The following DAAM2 variants were observed in gnomAD, a reference collection of about 807,000 sequenced individuals.
DAAM2 encodes the protein disheveled-associated activator of morphogenesis 2.
A neutral mutation model predicts 120.7 loss-of-function variants in DAAM2; 39 were observed. The ratio of observed to expected loss-of-function variants is 0.32; its 90% confidence interval spans 0.25 to 0.42. The LOEUF (loss-of-function observed/expected upper bound fraction) is 0.42, where lower values mean the gene tolerates loss of function less well. Among genes scored for constraint, DAAM2 ranks in the 10% least tolerant of loss-of-function variants. DAAM2 has a pLI of 1.00. For missense variants in DAAM2, 1,283 were observed against 1,401.7 expected (o/e 0.92, Z 1.35); for synonymous variants, 488 against 524.9 (o/e 0.93, Z 0.96).
chr6:39,856,413 G>A lies in DAAM2; in HGVS notation c.111G>A (p.Glu37=), dbSNP rs1764005267. The change falls in exon 2 of 25, where the codon GAG becomes GAA. Residue 37 remains glutamate, a synonymous_variant. Coordinates refer to ENST00000274867, the MANE Select transcript of DAAM2 (RefSeq NM_001201427.2). ...ACAACCACCCTCTGCAGTTCATGGA[G>A]TTCTCCAGCCCCATCCCGAACGCAG... ...LRDNHPLQFM[E]FSSPIPNAEE... 6.5e-7 allele frequency: 1 copy of A among 1,550,122 alleles called. No individual in the cohort carries two copies. Among genetic ancestry groups the A allele is most frequent in the East Asian group, 2.5e-5 (1 of 39,918 alleles).
At position 39,799,964 on chromosome 6, in the gene DAAM2, A is replaced by G. The variant is rs151173655; in HGVS notation, c.-57+7499A>G. 4.1e-3 allele frequency among the ~76,000 whole-genome samples: 624 copies of G among 152,320 alleles called. 4 individuals carry two copies. In the Middle Eastern group the frequency reaches 0.065, roughly 16 times the overall value. On this transcript the variant is annotated intron_variant, in intron 1 of 24. Coordinates refer to ENST00000274867, the MANE Select transcript of DAAM2 (RefSeq NM_001201427.2). ...TCACTGAAAGGGAATCTTATAGTAC[A>G]TGTTACTCTGTAGCATACTTTTCTT...
chr6:39,897,412 A>G (rs1766173599), intron 21 of DAAM2, 130 bp downstream of exon 21: 1 of 627,166 alleles, frequency 1.6e-6, no homozygotes. Flanking sequence ...TTCTGAGTTC[A>G]AAAGAATTTA....
chr6:39,875,259 C>A (rs1764822747), intron 10 of DAAM2, 71 bp from the exon 11 acceptor site: 4 of 1,523,562 alleles, frequency 2.6e-6, no homozygotes, highest in South Asian at 1.3e-5. Context: ...AGACCCCAGG[C>A]AGCAACTCTA....
At chr6:39,831,798 G>GGGGCAGGTGCACTGA (rs11270864) in intron 1 of DAAM2, among the ~76,000 whole-genome samples, 7,166 of 62,796 alleles carry the variant, frequency 0.11, 1,439 homozygotes, top group African/African-American at 0.22. Context: ...GGTGCACTGG[G>GGGGCAGGTGCACTGA]GGGGGGCAGG....
At position 39,870,415 on chromosome 6, in the gene DAAM2, C is replaced by T. The variant is rs759121825; in HGVS notation, c.949C>T (p.Arg317Trp). ...LGIQPVIDKLRQHENAILDKH... is the reference protein window; with the variant it reads ...LGIQPVIDKLWQHENAILDKH... ...TATACAGCCTGTGATTGACAAGCTC[C>T]GGCAACATGAAAATGCCATCCTGGA... The change falls in exon 8 of 25, where the codon CGG becomes TGG. Residue 317 changes from arginine to tryptophan, a missense_variant. By Grantham distance (101) the Arg-to-Trp change is moderately radical (BLOSUM62 -3). This residue lies in a region of DAAM2 where 338 missense variants were observed against 443.9 expected (regional missense o/e 0.76). Coordinates refer to ENST00000274867, the MANE Select transcript of DAAM2 (RefSeq NM_001201427.2). The T allele has an allele frequency of 1.0e-5, 16 of 1,583,230 alleles. No individual in the cohort carries two copies. The highest frequency in any genetic ancestry group is 1.3e-5 in the Non-Finnish European group (15 of 1,163,386).
intron 1 of DAAM2, among the ~76,000 whole-genome samples, chr6:39,825,043 G>C (rs907775806): frequency 5.3e-5 from 8 of 152,306 alleles, no homozygotes; most frequent in Admixed American, 5.2e-4. Flanking sequence ...CCAAGAAGGA[G>C]CCTGATCAGA....
intron 1 of DAAM2, among the ~76,000 whole-genome samples, chr6:39,825,333 G>A (rs577672795): frequency 2.6e-5 from 4 of 151,494 alleles, no homozygotes; most frequent in African/African-American, 4.9e-5. Context: ...AGGTTGCAGC[G>A]AACTGAGATT....
At chr6:39,889,574 A>G (rs903287178) in intron 17 of DAAM2, among the ~76,000 whole-genome samples, 6 of 152,200 alleles carry the variant, frequency 3.9e-5, no homozygotes, top group African/African-American at 1.4e-4. Flanking sequence ...ATGAGTACAA[A>G]TACTGACTAA....
In DAAM2 at chr6:39,904,644, G is replaced by A. The variant is rs1021236450; in HGVS notation, c.*2607G>A. 6.6e-6 allele frequency: 3 copies of A among 453,998 alleles called. No homozygotes were observed. Among genetic ancestry groups the A allele is most frequent in the African/African-American group, 6.0e-5 (3 of 49,972 alleles). The allele number at this position is 453,998 out of a possible 1,614,324, so 28.1% of individuals were successfully genotyped here. ...GGTGAATGGGGAAGGGTCTGTTCCA[G>A]CCTCTCCCTACTCCCATCCCATTTC... On this transcript the variant is annotated 3_prime_UTR_variant, in exon 25 of 25. Transcript: ENST00000274867.
chr6:39,874,664 A>G (rs1447032123), intron 10 of DAAM2, among the ~76,000 whole-genome samples: 2 of 152,198 alleles, frequency 1.3e-5, no homozygotes, highest in Admixed American at 1.3e-4. Context: ...AGGACCAAGG[A>G]AAGAGAGTTT....
chr6:39,902,054 C>A lies in DAAM2; in HGVS notation c.*17C>A. 1.3e-6 allele frequency: 2 copies of A among 1,581,604 alleles called. No homozygotes were observed. Reference sequence around the variant, plus strand: ...AATTATTGACCTGGGGAACTAGCCACACAGGAGGCCGGGAGACAGGGACTG... The same window carrying A: ...AATTATTGACCTGGGGAACTAGCCAAACAGGAGGCCGGGAGACAGGGACTG... On this transcript the variant is annotated 3_prime_UTR_variant, in exon 25 of 25. Coordinates refer to ENST00000274867, the MANE Select transcript of DAAM2 (RefSeq NM_001201427.2).
intron 6 of DAAM2, chr6:39,868,114 T>C: frequency 4.4e-6 from 2 of 458,596 alleles, no homozygotes; most frequent in Non-Finnish European, 7.9e-6. Flanking sequence ...GCCGGAATAT[T>C]GGCCTGCATT....
intron 1 of DAAM2, among the ~76,000 whole-genome samples, chr6:39,835,401 T>A (rs1372287189): frequency 6.6e-6 from 1 of 152,160 alleles, no homozygotes; most frequent in Non-Finnish European, 1.5e-5. Flanking sequence ...GGCTGGGAGA[T>A]CTCTTCTCAC....
rs1176601706 is a variant in DAAM2, at chr6:39,873,461, T to C, written c.1162+106T>C. The C allele has an allele frequency of 1.0e-5, 8 of 770,190 alleles. No homozygotes were observed. The East Asian group carries it at 2.2e-4, about 21-fold the overall frequency. 47.7% of individuals were successfully genotyped at this position (770,190 alleles called of 1,614,324 possible). A position where few individuals can be genotyped will look rare whatever the true frequency, so the allele number is the denominator to read the frequency against. Reference sequence around the variant, plus strand: ...CCCTGGTTTGGGGAGTCTGACCATGTCTCCCTGTGCACTTGCTTTTGGGAG... The same window carrying C: ...CCCTGGTTTGGGGAGTCTGACCATGCCTCCCTGTGCACTTGCTTTTGGGAG... On this transcript the variant is annotated intron_variant, in intron 10 of 24. Transcript: ENST00000274867.
At chr6:39,824,307 G>T (rs1021629503) in intron 1 of DAAM2, among the ~76,000 whole-genome samples, 1 of 152,162 alleles carries the variant, frequency 6.6e-6, no homozygotes, top group Non-Finnish European at 1.5e-5. Context: ...CCAGCAGGGG[G>T]CATCTTGGGG....
At chr6:39,841,423 C>A (rs1393972973) in intron 1 of DAAM2, among the ~76,000 whole-genome samples, 1 of 151,472 alleles carries the variant, frequency 6.6e-6, no homozygotes, top group Admixed American at 6.6e-5. Context: ...GGGGGAGGGC[C>A]TCCAGAGGGA....
Position 39,879,180 on chromosome 6 carries a change from A to G in DAAM2, c.1548A>G (p.Thr516=), listed in dbSNP as rs369643516. 5.2e-6 allele frequency: 8 copies of G among 1,544,540 alleles called. No individual in the cohort carries two copies. The Admixed American group carries it at 6.0e-5, about 12-fold the overall frequency. Residue 516 remains threonine, a splice_region_variant and synonymous_variant, in exon 14 of 25, where the codon ACA becomes ACG. Coordinates refer to ENST00000274867, the MANE Select transcript of DAAM2 (RefSeq NM_001201427.2). Reference sequence around the variant, plus strand: ...GCAATTTTTCTGTTTCCTCACAGACAGGCCCTGTATCTTCCCCACCACCCC... The same window carrying G: ...GCAATTTTTCTGTTTCCTCACAGACGGGCCCTGTATCTTCCCCACCACCCC... ...ELVAQLSELS[T]GPVSSPPPPG...
chr6:39,808,504 C>T (rs1762075628), intron 1 of DAAM2, among the ~76,000 whole-genome samples: 1 of 152,208 alleles, frequency 6.6e-6, no homozygotes, highest in African/African-American at 2.4e-5. Flanking sequence ...TTTGCGAACA[C>T]CCCAGCCTGA....
At chr6:39,875,495 T>C in intron 11 of DAAM2, 27 bp downstream of exon 11, 1 of 1,603,618 alleles carries the variant, frequency 6.2e-7, no homozygotes, top group Non-Finnish European at 8.5e-7. Flanking sequence ...CTTTGCCCTG[T>C]CTTCCTCCAC....
Sources: gnomAD v4.1 joint callset for allele counts (sites outside exome capture counted in the v4.1 genomes callset) on GRCh38, gnomAD v4.1.1 for gene constraint, gnomAD v4.1.1 regional missense constraint, MANE v1.5 for transcripts, NCBI Gene and HGNC (gene_info 2026-07-23, HGNC 2026-07-21) for gene names.